Variants in SVEP1 observed in about 807,000 individuals in gnomAD.
SVEP1 encodes the protein sushi, von Willebrand factor type A, EGF and pentraxin domain containing 1.
SVEP1 carries 164 observed loss-of-function variants against 367.3 expected under a neutral mutation model. The ratio of observed to expected loss-of-function variants is 0.45; its 90% CI spans 0.39 to 0.51. SVEP1 has a LOEUF of 0.51. Among genes scored for constraint, SVEP1 ranks in the 20% least tolerant of loss-of-function variants. The probability of loss-of-function intolerance (pLI) is 0.00; values close to 1 mark genes in which losing one functional copy is unlikely to be tolerated. For missense variants in SVEP1, 4,117 were observed against 4,425.3 expected (o/e 0.93, Z 1.98); for synonymous variants, 1,666 against 1,611.6 (o/e 1.03, Z -0.81).
intron 3 of SVEP1, among the ~76,000 whole-genome samples, chr9:110,537,355 T>C (rs1222627683): frequency 6.6e-6 from 1 of 152,008 alleles, no homozygotes; most frequent in Admixed American, 6.6e-5. Context: ...TATTAAGAAG[T>C]GAATTTTCAA....
intron 3 of SVEP1, among the ~76,000 whole-genome samples, chr9:110,531,172 C>T (rs1395665924): frequency 6.6e-6 from 1 of 152,092 alleles, no homozygotes; most frequent in African/African-American, 2.4e-5. Context: ...GCTTTATTGA[C>T]ATTTATGATT....
intron 5 of SVEP1, 80 bp downstream of exon 5, chr9:110,512,846 A>G: frequency 6.6e-7 from 1 of 1,515,040 alleles, no homozygotes; most frequent in South Asian, 1.1e-5. Flanking sequence ...GAAATGAAGA[A>G]CTGACTGGTT....
chr9:110,541,039 T>C (rs917590325), intron 3 of SVEP1, among the ~76,000 whole-genome samples: 3 of 152,162 alleles, frequency 2.0e-5, no homozygotes, highest in Non-Finnish European at 4.4e-5. Context: ...ACCTGTGAGA[T>C]AGCCTTGGCC....
chr9:110,554,577 C>T (rs879730797), intron 1 of SVEP1, among the ~76,000 whole-genome samples: 4 of 152,136 alleles, frequency 2.6e-5, no homozygotes, highest in Admixed American at 2.6e-4. Context: ...TGTTCAAGAG[C>T]CCTAAAAACA....
intron 43 of SVEP1, among the ~76,000 whole-genome samples, chr9:110,382,153 A>ATG (rs1827448599): frequency 6.6e-6 from 1 of 151,954 alleles, no homozygotes; most frequent in South Asian, 2.1e-4. Context: ...AGACTTGTTG[A>ATG]TGTAGTTGCT....
In SVEP1 at chr9:110,400,859, G is replaced by C; in HGVS notation, c.9817C>G (p.Leu3273Val). Residue 3273 changes from leucine (L) to valine (V), a missense_variant, in exon 40 of 48, where the codon CTA (leucine) becomes GTA (valine). Leu to Val is a conservative substitution (Grantham distance 32). Around this residue, in one of 4 missense-constraint regions of SVEP1, gnomAD observed 1,765 missense variants for 1,781.1 expected, o/e 0.99. Coordinates refer to ENST00000374469, the MANE Select transcript of SVEP1 (RefSeq NM_153366.4). ...TAAACAATTTGTTCGCTTACCTCTAGTTCATAGCCAGGCTCACACTGATAA... is the reference window on the plus strand; with the variant it reads ...TAAACAATTTGTTCGCTTACCTCTACTTCATAGCCAGGCTCACACTGATAA... ...IIYQCEPGYE[L>V]EGNRERVCQE... The C allele has an allele frequency of 6.2e-7, 1 of 1,611,836 alleles. No homozygotes were observed. The highest frequency in any genetic ancestry group is 1.7e-4 in the Middle Eastern group (1 of 6,052).
intron 27 of SVEP1, among the ~76,000 whole-genome samples, chr9:110,441,959 C>T (rs969665957): frequency 2.0e-5 from 3 of 152,184 alleles, no homozygotes. Flanking sequence ...CGTGATTTGG[C>T]CATGTCCGCC....
chr9:110,480,818 T>C (rs1487678533), intron 12 of SVEP1, among the ~76,000 whole-genome samples: 1 of 151,092 alleles, frequency 6.6e-6, no homozygotes, highest in Non-Finnish European at 1.5e-5. Flanking sequence ...TTTAATATTT[T>C]TGTAGAGATG....
chr9:110,371,108 G>A (rs1001063216), intron 46 of SVEP1, among the ~76,000 whole-genome samples: 1 of 152,152 alleles, frequency 6.6e-6, no homozygotes. Flanking sequence ...AGCTCTCTTG[G>A]TAAGTTAAGA....
rs1466992338 is a variant in SVEP1, at chr9:110,404,333, T to A, written c.9660A>T (p.Val3220=). 6.2e-7 allele frequency: 1 copy of A among 1,613,792 alleles called. No homozygotes were observed. The highest frequency in any genetic ancestry group is 8.5e-7 in the Non-Finnish European group (1 of 1,179,806). ...GYTFEGVNIS[V]CQLDGTWEPP... ...AATTAAGACAGAATCTTACCTGACA[T>A]ACTGATATGTTAACTCCCTCAAAGG... Residue 3220 remains valine, a synonymous_variant, in exon 39 of 48, where the codon GTA becomes GTT. Coordinates refer to ENST00000374469, the MANE Select transcript of SVEP1 (RefSeq NM_153366.4).
Position 110,514,090 on chromosome 9 carries a change from T to C in SVEP1, c.981A>G (p.Thr327=), listed in dbSNP as rs1003343431. 4 of 1,610,152 alleles carry C rather than the reference T, an allele frequency of 2.5e-6. No homozygotes were observed. Among genetic ancestry groups the C allele is most frequent in the Non-Finnish European group, 2.5e-6 (3 of 1,178,056 alleles). Residue 327 remains threonine, a synonymous_variant, in exon 4 of 48, where the codon ACA becomes ACG. Transcript: ENST00000374469. ...CTCCTGGTGAGCCTTCAGGTTTGTA[T>C]GTCCCCGATGGGCAAGCTGTGGGCA... The part of the protein sequence containing the change: ...QYECTACPSG[T]YKPEGSPGGI...
At chr9:110,484,216 C>T (rs1260374078) in intron 9 of SVEP1, among the ~76,000 whole-genome samples, 1 of 152,040 alleles carries the variant, frequency 6.6e-6, no homozygotes, top group Admixed American at 6.6e-5. Context: ...TGCTGGGAGG[C>T]TAGGAGGTTA....
At position 110,579,622 on chromosome 9, in the gene SVEP1, A is replaced by G; in HGVS notation, c.-79T>C. On this transcript the variant is annotated 5_prime_UTR_variant, in exon 1 of 48. Transcript: ENST00000374469. This position sits in a 1 kb window ranked among gnomAD's most constrained non-coding sequence, Gnocchi z 5.3. ...AGAGGCGCTGGGCGGCCGGACTCGC[A>G]GAGGGGCGTGCGCGGAGCTGGGCGC... 1.4e-6 allele frequency: 2 copies of G among 1,433,168 alleles called. No homozygotes were observed. The highest frequency in any genetic ancestry group is 1.8e-6 in the Non-Finnish European group (2 of 1,100,202). The allele number at this position is 1,433,168 out of a possible 1,614,324, so 88.8% of individuals were successfully genotyped here. A position where few individuals can be genotyped will look rare whatever the true frequency, so the allele number is the denominator to read the frequency against.
At chr9:110,562,003 T>A (rs1830437769) in intron 1 of SVEP1, among the ~76,000 whole-genome samples, 1 of 152,178 alleles carries the variant, frequency 6.6e-6, no homozygotes, top group Non-Finnish European at 1.5e-5. Context: ...TACGAGGTTT[T>A]CCACCCACAT....
At chr9:110,499,409 C>T (rs1469842879) in intron 6 of SVEP1, among the ~76,000 whole-genome samples, 171 bp from the exon 7 acceptor site, 1 of 152,136 alleles carries the variant, frequency 6.6e-6, no homozygotes, top group Non-Finnish European at 1.5e-5. Context: ...TAATGCTAAC[C>T]TATACCTCTT....
At chr9:110,556,476 A>G (rs1213263576) in intron 1 of SVEP1, among the ~76,000 whole-genome samples, 1 of 152,052 alleles carries the variant, frequency 6.6e-6, no homozygotes, top group Admixed American at 6.6e-5. Flanking sequence ...AGACGCTAAT[A>G]AAGTCTTTTT....
At chr9:110,385,697 T>A (rs554537110) in intron 43 of SVEP1, among the ~76,000 whole-genome samples, 1 of 146,948 alleles carries the variant, frequency 6.8e-6, no homozygotes, top group East Asian at 1.9e-4. Context: ...GGGTTTTAGT[T>A]TAGTTCTGGA....
intron 39 of SVEP1, 129 bp from the exon 40 acceptor site, chr9:110,401,138 C>G: frequency 1.9e-6 from 2 of 1,035,582 alleles, no homozygotes; most frequent in Non-Finnish European, 2.8e-6. Flanking sequence ...GGGTTTGGTC[C>G]TACTTTTGCT....
intron 14 of SVEP1, among the ~76,000 whole-genome samples, chr9:110,473,970 A>T (rs377683769): frequency 6.6e-6 from 1 of 152,146 alleles, no homozygotes; most frequent in African/African-American, 2.4e-5. Context: ...CTTGTTTGTT[A>T]ATCTGACAGG....
Sources: gnomAD v4.1 joint callset for allele counts (sites outside exome capture counted in the v4.1 genomes callset) on GRCh38, gnomAD v4.1.1 for gene constraint, gnomAD v4.1.1 regional missense constraint, Gnocchi (gnomAD v3.1) non-coding constraint, MANE v1.5 for transcripts, NCBI Gene and HGNC (gene_info 2026-07-23, HGNC 2026-07-21) for gene names.